Variants in CLCA1 observed in about 807,000 individuals in gnomAD.
The protein encoded by CLCA1 is calcium-activated chloride channel regulator 1.
Under a neutral mutation model 85.6 loss-of-function variants are expected in CLCA1, and 59 were observed. The ratio of observed to expected loss-of-function variants is 0.69; its 90% CI spans 0.56 to 0.86. The LOEUF (loss-of-function observed/expected upper bound fraction) is 0.86. CLCA1 is among the 40% of genes least tolerant of loss of function. The pLI is 0.00. For missense variants in CLCA1, 1,022 were observed against 1,101.4 expected, an observed-to-expected ratio of 0.93 and a Z score of 1.02; for synonymous variants, 396 against 398.3, an observed-to-expected ratio of 0.99 and a Z score of 0.07.
At chr1:86,489,849 T>C (rs1019992214) in intron 8 of CLCA1, among the ~76,000 whole-genome samples, 3 of 152,178 alleles carry the variant, frequency 2.0e-5, no homozygotes, top group African/African-American at 7.2e-5. Context: ...AGTTGCCTTC[T>C]GAGGCCACTA....
chr1:86,495,382 A>T, intron 11 of CLCA1, 123 bp from the exon 12 acceptor site: 1 of 731,014 alleles, frequency 1.4e-6, no homozygotes, highest in Non-Finnish European at 2.2e-6. Context: ...CAAAATCTTA[A>T]GGTCTCTTGG....
chr1:86,471,121 A>G (rs1247049843), intron 1 of CLCA1, among the ~76,000 whole-genome samples: 5 of 152,158 alleles, frequency 3.3e-5, no homozygotes, highest in African/African-American at 1.2e-4. Flanking sequence ...ACGCCCATGC[A>G]CACACGCAGA....
chr1:86,499,960 T>G lies in CLCA1; in HGVS notation c.2660T>G (p.Ile887Ser), dbSNP rs771659232. Residue 887 changes from isoleucine to serine, a missense_variant, in exon 14 of 14, where the codon ATT becomes AGT. Physicochemically the swap from Ile to Ser is moderately radical, Grantham distance 142 (BLOSUM62 -2). Transcript: ENST00000394711. ...PDETSAPCPN[I>S]HINSTIPGIH... ...GAAACGTCTGCTCCTTGTCCTAATA[T>G]TCATATCAACAGCACCATTCCTGGC... is the stretch of plus-strand genomic sequence containing the variant. 5.6e-6 allele frequency: 9 copies of G among 1,612,968 alleles called. No individual in the cohort carries two copies. Among genetic ancestry groups the G allele is most frequent in the Non-Finnish European group, 6.8e-6 (8 of 1,179,072 alleles).
In CLCA1 at chr1:86,468,984, A is replaced by G; in HGVS notation, c.13A>G (p.Lys5Glu). Residue 5 changes from lysine (K) to glutamate (E), a missense_variant, in exon 1 of 14, where the codon AAG becomes GAG. By Grantham distance (56) the Lys-to-Glu change is moderately conservative (BLOSUM62 1). Coordinates refer to ENST00000394711, the MANE Select transcript of CLCA1 (RefSeq NM_001285.4). The stretch of plus-strand genomic sequence containing the variant: ...GAGATGTACAGCAATGGGGCCATTT[A>G]AGAGTTCTGTGTTCATCTTGATTCT... MGPFKSSVFILILHL... is the reference protein window; with the variant it reads MGPFESSVFILILHL... The G allele has an allele frequency of 6.2e-7, 1 of 1,607,512 alleles. No homozygotes were observed. Among genetic ancestry groups the G allele is most frequent in the Non-Finnish European group, 8.5e-7 (1 of 1,176,836 alleles).
chr1:86,493,617 T>C lies in CLCA1; in HGVS notation c.1680+18T>C, dbSNP rs766628776. 1.7e-5 allele frequency: 26 copies of C among 1,563,244 alleles called. No individual in the cohort carries two copies. In the African/African-American group the frequency reaches 2.3e-4, roughly 14 times the overall value. On this transcript the variant is annotated intron_variant, in intron 10 of 13. Transcript: ENST00000394711. ...TTGCTAAGGTATGGAGTCAGCTTTT[T>C]TTCTTTCTCATAATTCAACAAGATA...
intron 4 of CLCA1, among the ~76,000 whole-genome samples, chr1:86,480,192 A>C (rs967343209): frequency 1.3e-5 from 2 of 152,224 alleles, no homozygotes; most frequent in Non-Finnish European, 2.9e-5. Context: ...ATGTGGCTAC[A>C]TATAAATTAA....
intron 4 of CLCA1, among the ~76,000 whole-genome samples, chr1:86,477,084 A>AT (rs145009576): frequency 0.017 from 2,538 of 152,072 alleles, 93 homozygotes; most frequent in African/African-American, 0.059. Flanking sequence ...TAATTTTTAT[A>AT]TTTTCTGTAG....
At position 86,485,526 on chromosome 1, in the gene CLCA1, G is replaced by T; in HGVS notation, c.919G>T (p.Val307Leu). 6.2e-7 allele frequency: 1 copy of T among 1,614,164 alleles called. No homozygotes were observed. Among genetic ancestry groups the T allele is most frequent in the East Asian group, 2.2e-5 (1 of 44,880 alleles). Reference sequence around the variant, plus strand: ...ATTGCTGCAGATTGGACAAAGAATTGTGTGTTTAGTCCTTGACAAATCTGG... The same window carrying T: ...ATTGCTGCAGATTGGACAAAGAATTTTGTGTTTAGTCCTTGACAAATCTGG... ...FSLLQIGQRIVCLVLDKSGSM... is the reference protein window; with the variant it reads ...FSLLQIGQRILCLVLDKSGSM... Residue 307 changes from valine to leucine, a missense_variant, in exon 6 of 14, where the codon GTG becomes TTG. Coordinates refer to ENST00000394711, the MANE Select transcript of CLCA1 (RefSeq NM_001285.4).
At chr1:86,485,224 A>T in intron 5 of CLCA1, 119 bp from the exon 6 acceptor site, 1 of 747,742 alleles carries the variant, frequency 1.3e-6, no homozygotes, top group Non-Finnish European at 2.3e-6. Flanking sequence ...GCACTGTTCC[A>T]CAGTGATTGT....
chr1:86,497,342 T>A (rs1648320422), intron 12 of CLCA1, among the ~76,000 whole-genome samples: 1 of 152,178 alleles, frequency 6.6e-6, no homozygotes, highest in African/African-American at 2.4e-5. Context: ...AAGACCAGAT[T>A]AATGGGTATG....
intron 8 of CLCA1, 126 bp downstream of exon 8, chr1:86,489,296 ACC>A: frequency 5.9e-6 from 5 of 842,138 alleles, no homozygotes; most frequent in Non-Finnish European, 9.1e-6. Flanking sequence ...CTAACTAGCC[ACC>A]CTTACCCCTG....
intron 5 of CLCA1, among the ~76,000 whole-genome samples, chr1:86,484,987 A>G (rs1444010090): frequency 6.6e-6 from 1 of 152,152 alleles, no homozygotes; most frequent in East Asian, 1.9e-4. Context: ...GAAGTAAGGA[A>G]GTGGAGTTTG....
rs1028566234 is a variant in CLCA1 at position 86,498,181 on chromosome 1, A to T, written c.2114-391A>T. Among the ~76,000 whole-genome samples, 37 of 135,738 alleles carry T rather than the reference A, an allele frequency of 2.7e-4. 2 individuals carry two copies. Among genetic ancestry groups the T allele is most frequent in the African/African-American group, 1.0e-3 (35 of 33,460 alleles). 89.0% of individuals were successfully genotyped at this position (135,738 alleles called of 152,430 possible). A position where few individuals can be genotyped will look rare whatever the true frequency, so the allele number is the denominator to read the frequency against. ...AAGGAAGGAAGGAAGGAAGGAAGGA[A>T]GGAAGGATGGAAGGAAGGAAGGAAG... On this transcript the variant is annotated intron_variant, in intron 12 of 13. Transcript: ENST00000394711.
At position 86,494,314 on chromosome 1, in the gene CLCA1, A is replaced by C. The variant is rs1377718888; in HGVS notation, c.1808A>C (p.Lys603Thr). Residue 603 changes from lysine (K) to threonine (T), a missense_variant, in exon 11 of 14, where the codon AAA becomes ACA. Coordinates refer to ENST00000394711, the MANE Select transcript of CLCA1 (RefSeq NM_001285.4). ...VTSKTNKDTSKFPSPLVVYAN... is the reference protein window; with the variant it reads ...VTSKTNKDTSTFPSPLVVYAN... ...TCCAAAACGAACAAGGACACCAGCA[A>C]ATTCCCCAGCCCTCTGGTAGTTTAT... 6.2e-7 allele frequency: 1 copy of C among 1,614,074 alleles called. No homozygotes were observed. The highest frequency in any genetic ancestry group is 8.5e-7 in the Non-Finnish European group (1 of 1,180,042).
chr1:86,480,027 A>G, intron 4 of CLCA1, among the ~76,000 whole-genome samples: 1 of 152,210 alleles, frequency 6.6e-6, no homozygotes, highest in East Asian at 1.9e-4. Flanking sequence ...TGGGGAAAAA[A>G]TTAACAGACT....
intron 5 of CLCA1, among the ~76,000 whole-genome samples, 188 bp from the exon 6 acceptor site, chr1:86,485,155 A>G (rs972309434): frequency 1.3e-5 from 2 of 152,160 alleles, no homozygotes; most frequent in African/African-American, 4.8e-5. Context: ...TAAGGGTCCA[A>G]TGAGATTGAA....
At chr1:86,473,687 G>T (rs751940248) in intron 2 of CLCA1, 42 bp from the exon 3 acceptor site, 17 of 1,538,492 alleles carry the variant, frequency 1.1e-5, no homozygotes, top group Non-Finnish European at 1.5e-5. Flanking sequence ...TAATTCATTT[G>T]CTGAAACTTT....
intron 4 of CLCA1, among the ~76,000 whole-genome samples, chr1:86,476,784 T>TC (rs1647647798): frequency 6.6e-6 from 1 of 151,842 alleles, no homozygotes; most frequent in Admixed American, 6.6e-5. Flanking sequence ...CCTTTTTTCT[T>TC]TTTTTTTAAC....
At chr1:86,488,796 G>C (rs916691359) in intron 7 of CLCA1, among the ~76,000 whole-genome samples, 200 bp from the exon 8 acceptor site, 2 of 152,132 alleles carry the variant, frequency 1.3e-5, no homozygotes, top group African/African-American at 2.4e-5. Flanking sequence ...GACCAGCCAA[G>C]GGGAAAGACA....
Sources: gnomAD v4.1 joint callset for allele counts (sites outside exome capture counted in the v4.1 genomes callset) on GRCh38, gnomAD v4.1.1 for gene constraint, MANE v1.5 for transcripts, NCBI Gene and HGNC (gene_info 2026-07-23, HGNC 2026-07-21) for gene names.